SMIM24: variants seen among roughly 807,000 people sequenced by gnomAD.
SMIM24 encodes small integral membrane protein 24.
SMIM24 carries 6 observed loss-of-function variants against 10.8 expected under a neutral mutation model. The observed-to-expected ratio is 0.55, with a 90% CI of 0.30 to 1.09. The LOEUF is 1.09. SMIM24 is among the 50% of genes least tolerant of loss of function. SMIM24 has a pLI of 0.06. For synonymous variants in SMIM24, 71 were observed against 62.4 expected (o/e 1.14, Z -0.65); for missense variants, 151 against 153.4 (o/e 0.98, Z 0.08).
chr19:3,477,594 GT>G (rs2082798989), intron 3 of SMIM24, among the ~76,000 whole-genome samples: 1 of 137,924 alleles, frequency 7.3e-6, no homozygotes, highest in African/African-American at 2.9e-5. Flanking sequence ...GGATGGGTGA[GT>G]GGGTGGATGG....
At position 3,475,213 on chromosome 19, in the gene SMIM24, G is replaced by A. The variant is rs749494486; in HGVS notation, c.240-217C>T. Among the ~76,000 whole-genome samples the A allele has an allele frequency of 4.6e-5, 7 of 152,184 alleles. No individual in the cohort carries two copies. In the South Asian group the frequency reaches 8.3e-4, roughly 18 times the overall value. On this transcript the variant is annotated intron_variant, in intron 3 of 3. Coordinates refer to ENST00000215531, the MANE Select transcript of SMIM24 (RefSeq NM_001136503.2). ...TGGAGGGATGGATGGGTGGATGGAT[G>A]GATGGACATAAGCCAAAGGCTCCCT...
chr19:3,478,416 T>TCCA lies in SMIM24; in HGVS notation c.239+2_239+3insTGG. The TCCA allele has an allele frequency of 6.5e-7, 1 of 1,548,312 alleles. No homozygotes were observed. The highest frequency in any genetic ancestry group is 8.7e-7 in the Non-Finnish European group (1 of 1,145,850). On this transcript the variant is annotated splice_region_variant and intron_variant, in intron 3 of 3. Transcript: ENST00000215531. ...AGACCCCCAGCATCCGCACGCATAG[T>TCCA]ACCTCTGGTCCTGGTATAGGTTGGA...
At chr19:3,477,074 T>C (rs1294446056) in intron 3 of SMIM24, among the ~76,000 whole-genome samples, 1 of 100,638 alleles carries the variant, frequency 9.9e-6, no homozygotes, top group Non-Finnish European at 2.0e-5. Context: ...GGGGGGTGGG[T>C]GAGTGAATAG....
chr19:3,475,996 T>C (rs544675596), intron 3 of SMIM24, among the ~76,000 whole-genome samples: 1 of 151,918 alleles, frequency 6.6e-6, no homozygotes, highest in South Asian at 2.1e-4. Context: ...AATGAATACA[T>C]TGCAGGAAGG....
chr19:3,479,316 A>T (rs1261162636), intron 1 of SMIM24, among the ~76,000 whole-genome samples: 1 of 121,898 alleles, frequency 8.2e-6, no homozygotes, highest in African/African-American at 3.2e-5. Flanking sequence ...GGAGTGGCTC[A>T]GGGGTGGGGT....
rs528495908 is a variant in SMIM24 at position 3,474,606 on chromosome 19, A to G, written c.*237T>C. 45 of 529,784 alleles carry G rather than the reference A, an allele frequency of 8.5e-5. No homozygotes were observed. Among genetic ancestry groups the G allele is most frequent in the African/African-American group, 7.9e-4 (42 of 53,014 alleles). 32.8% of individuals were successfully genotyped at this position (529,784 alleles called of 1,614,324 possible). A position where few individuals can be genotyped will look rare whatever the true frequency, so the allele number is the denominator to read the frequency against. On this transcript the variant is annotated 3_prime_UTR_variant, in exon 4 of 4. Transcript: ENST00000215531. ...CCTCAACCAGGGATGCTCTCCGAGT[A>G]TAAGAAGAATCACCAGGCAGGGACC...
In SMIM24 at chr19:3,478,903, G is replaced by A. The variant is rs1010846107; in HGVS notation, c.94C>T (p.Leu32=). ...CCGACTACCGCAGCCAGGCCCACCA[G>A]CCACGGCTTCAGGCGATGCTCCGTG... ...QATEHRLKPW[L]VGLAAVVGFL... Residue 32 remains leucine (L), a synonymous_variant, in exon 2 of 4, where the codon CTG becomes TTG. Coordinates refer to ENST00000215531, the MANE Select transcript of SMIM24 (RefSeq NM_001136503.2). 4 of 1,550,026 alleles carry A rather than the reference G, an allele frequency of 2.6e-6. No homozygotes were observed. The Admixed American group carries it at 7.8e-5, about 30-fold the overall frequency.
At chr19:3,478,639 T>C (rs1273035928) in intron 2 of SMIM24, among the ~76,000 whole-genome samples, 161 bp from the exon 3 acceptor site, 5 of 151,820 alleles carry the variant, frequency 3.3e-5, no homozygotes, top group Admixed American at 3.3e-4. Context: ...GCTCGTTGTC[T>C]TGGGGAGACG....
chr19:3,478,840 G>A lies in SMIM24; in HGVS notation c.157C>T (p.Arg53Cys). 11 of 1,549,628 alleles carry A rather than the reference G, an allele frequency of 7.1e-6. No individual in the cohort carries two copies. Among genetic ancestry groups the A allele is most frequent in the Middle Eastern group, 3.3e-4 (2 of 5,976 alleles). The change falls in exon 2 of 4, where the codon CGC (arginine) becomes TGC (cysteine). Residue 53 changes from arginine (R) to cysteine (C), a missense_variant. By Grantham distance (180) the Arg-to-Cys change is radical (BLOSUM62 -3). Transcript: ENST00000215531. ...FIVYLVLLAN[R>C]LWCSKARAED... ...CACCTGGCCTTGGAACACCAGAGGC[G>A]GTTGGCCAGCAAGACCAAATAGACG...
Position 3,480,468 on chromosome 19 carries a change from G to T in SMIM24, c.-5C>A. On this transcript the variant is annotated 5_prime_UTR_variant, in exon 1 of 4. Transcript: ENST00000215531. ...AAGGGCCCCCAGGGTCTCCATGACG[G>T]TCGAGTGAGCCAGCAGCCAGCCAGC... 6.5e-7 allele frequency: 1 copy of T among 1,549,002 alleles called. No individual in the cohort carries two copies. Among genetic ancestry groups the T allele is most frequent in the Non-Finnish European group, 8.7e-7 (1 of 1,146,312 alleles).
At chr19:3,479,524 G>A (rs770293665) in intron 1 of SMIM24, among the ~76,000 whole-genome samples, 121 of 150,226 alleles carry the variant, frequency 8.1e-4, no homozygotes, top group Non-Finnish European at 8.6e-4. Context: ...TATAAGGGGA[G>A]AGGGTCTCAG....
At position 3,480,426 on chromosome 19, in the gene SMIM24, AG is replaced by A; in HGVS notation, c.37del (p.Leu13CysfsTer16). On this transcript the variant is annotated frameshift_variant, in exon 1 of 4. Transcript: ENST00000215531. LOFTEE classifies it high-confidence loss of function. ...CTGGGCCTCCACCGGGGAGAGGAGC[AG>A]AAACTCCAGCACCAGAAGGGCCCCC... ...TLGALLVLEF[L>X]LLSPVEAQQA... is the part of the protein sequence containing the mutation. The A allele has an allele frequency of 6.6e-7, 1 of 1,517,494 alleles. No homozygotes were observed. The highest frequency in any genetic ancestry group is 8.8e-7 in the Non-Finnish European group (1 of 1,131,676). The allele number at this position is 1,517,494 out of a possible 1,614,324, so 94.0% of individuals were successfully genotyped here. A position where few individuals can be genotyped will look rare whatever the true frequency, so the allele number is the denominator to read the frequency against.
intron 1 of SMIM24, among the ~76,000 whole-genome samples, chr19:3,479,352 A>T (rs1377833408): frequency 1.0e-5 from 1 of 97,944 alleles, no homozygotes; most frequent in South Asian, 3.6e-4. Context: ...AGCTCAGGGG[A>T]GGGGCTTATG....
At chr19:3,476,187 G>A (rs148792067) in intron 3 of SMIM24, among the ~76,000 whole-genome samples, 7 of 152,158 alleles carry the variant, frequency 4.6e-5, no homozygotes, top group African/African-American at 1.2e-4. Flanking sequence ...ATGAATGGAT[G>A]AATTGGAGGA....
chr19:3,478,510 C>T (rs556025793), intron 2 of SMIM24, 32 bp from the exon 3 acceptor site: 79 of 1,525,104 alleles, frequency 5.2e-5, no homozygotes, highest in East Asian at 7.4e-5. Flanking sequence ...TGGAAGGGGG[C>T]GGGAGAGGAG....
intron 1 of SMIM24, among the ~76,000 whole-genome samples, chr19:3,479,466 G>A (rs1429817035): frequency 1.3e-5 from 2 of 150,766 alleles, no homozygotes; most frequent in Non-Finnish European, 3.0e-5. Context: ...AGGAGGCAGA[G>A]GCTTAGAGGG....
intron 3 of SMIM24, among the ~76,000 whole-genome samples, chr19:3,478,105 C>G (rs1243295645): frequency 6.6e-6 from 1 of 152,138 alleles, no homozygotes; most frequent in Admixed American, 6.5e-5. Context: ...AGGACAAAAG[C>G]TAAGTTGCCT....
At chr19:3,479,090 G>T (rs1045131216) in intron 1 of SMIM24, 161 bp from the exon 2 acceptor site, 2 of 589,562 alleles carry the variant, frequency 3.4e-6, no homozygotes, top group East Asian at 3.0e-5. Flanking sequence ...GCGTAGGGGG[G>T]TCGGGAGGGT....
At chr19:3,480,370 C>A (rs1438555426) in intron 1 of SMIM24, 27 bp downstream of exon 1, 1 of 1,481,340 alleles carries the variant, frequency 6.8e-7, no homozygotes, top group Non-Finnish European at 9.1e-7. Flanking sequence ...TATCCCGCGA[C>A]GCCCCCTCCC....
Sources: allele counts gnomAD v4.1 joint callset (sites outside exome capture counted in the v4.1 genomes callset), GRCh38; gene constraint gnomAD v4.1.1; transcripts MANE v1.5; gene names NCBI Gene and HGNC (gene_info 2026-07-23, HGNC 2026-07-21).